Variants in RPS6KC1 observed in about 807,000 individuals in gnomAD.
The protein encoded by RPS6KC1 is ribosomal protein S6 kinase C1.
Under a neutral mutation model 103.8 loss-of-function variants are expected in RPS6KC1, and 54 were observed. The ratio of observed to expected loss-of-function variants is 0.52; its 90% confidence interval spans 0.42 to 0.65. The LOEUF is 0.65. RPS6KC1 is among the 30% of genes least tolerant of loss of function. The pLI is 0.00. For synonymous variants in RPS6KC1, 439 were observed against 438.7 expected, an observed-to-expected ratio of 1.00 and a Z score of -0.01; for missense variants, 1,151 against 1,253.8, an observed-to-expected ratio of 0.92 and a Z score of 1.24.
At chr1:213,532,764 C>G in the RPS6KC1 span, among the ~76,000 whole-genome samples, 2 of 152,190 alleles carry the variant, frequency 1.3e-5, no homozygotes. Context: ...TGTCCCATTG[C>G]CCAAGCAACT....
intron 8 of RPS6KC1, among the ~76,000 whole-genome samples, chr1:213,192,702 T>G (rs1199508845): frequency 6.6e-6 from 1 of 152,184 alleles, no homozygotes; most frequent in African/African-American, 2.4e-5. Flanking sequence ...CATTTCAAGT[T>G]TATTTCTGCT....
chr1:213,199,834 C>G (rs559281170), intron 8 of RPS6KC1, among the ~76,000 whole-genome samples: 8 of 152,282 alleles, frequency 5.3e-5, no homozygotes, highest in Admixed American at 6.5e-5. Context: ...CATTCCTATA[C>G]ACCAACAACA....
chr1:213,054,654 A>C (rs2077194814), intron 1 of RPS6KC1, among the ~76,000 whole-genome samples: 1 of 152,176 alleles, frequency 6.6e-6, no homozygotes, highest in South Asian at 2.1e-4. Context: ...ACCAATGTTA[A>C]ATTTTGGATA....
chr1:213,699,441 C>T, the RPS6KC1 span, among the ~76,000 whole-genome samples: 2 of 152,064 alleles, frequency 1.3e-5, no homozygotes, highest in African/African-American at 4.8e-5. Flanking sequence ...AGTACATTTT[C>T]TTTATCCATT....
At chr1:213,418,492 G>C in the RPS6KC1 span, among the ~76,000 whole-genome samples, 1 of 152,118 alleles carries the variant, frequency 6.6e-6, no homozygotes, top group African/African-American at 2.4e-5. Flanking sequence ...CTGACTCTGG[G>C]ATGGGCCCCT....
the RPS6KC1 span, among the ~76,000 whole-genome samples, chr1:213,502,646 T>C: frequency 6.6e-6 from 1 of 152,160 alleles, no homozygotes. Context: ...ATGGCATATG[T>C]TTACAATATA....
At chr1:213,219,421 C>G (rs996225103) in intron 8 of RPS6KC1, among the ~76,000 whole-genome samples, 3 of 152,194 alleles carry the variant, frequency 2.0e-5, no homozygotes, top group African/African-American at 7.2e-5. Context: ...GGACTATAAA[C>G]TGGTTCAACC....
chr1:213,716,062 T>C, the RPS6KC1 span, among the ~76,000 whole-genome samples: 1 of 152,242 alleles, frequency 6.6e-6, no homozygotes, highest in South Asian at 2.1e-4. Context: ...CTAGCAAGTT[T>C]GGGAAATGCT....
At chr1:213,474,096 T>G in the RPS6KC1 span, among the ~76,000 whole-genome samples, 1 of 152,274 alleles carries the variant, frequency 6.6e-6, no homozygotes, top group African/African-American at 2.4e-5. Flanking sequence ...TCCTCTCCCT[T>G]TGTTATCTCT....
the RPS6KC1 span, among the ~76,000 whole-genome samples, chr1:213,534,903 C>T: frequency 1.5e-3 from 226 of 152,328 alleles, no homozygotes; most frequent in South Asian, 7.3e-3. Flanking sequence ...CTCTTCCATG[C>T]TCTCAGCGTC....
chr1:213,393,270 C>T, the RPS6KC1 span, among the ~76,000 whole-genome samples: 1 of 152,212 alleles, frequency 6.6e-6, no homozygotes, highest in African/African-American at 2.4e-5. Flanking sequence ...GCATACTTCA[C>T]AGTCACCCAC....
the RPS6KC1 span, among the ~76,000 whole-genome samples, chr1:213,653,722 G>GT: frequency 1.3e-5 from 2 of 152,184 alleles, no homozygotes; most frequent in African/African-American, 4.8e-5. Flanking sequence ...GCTTATGGTT[G>GT]TAACGCTTGT....
chr1:213,446,776 G>A, the RPS6KC1 span, among the ~76,000 whole-genome samples: 1 of 152,170 alleles, frequency 6.6e-6, no homozygotes, highest in Non-Finnish European at 1.5e-5. Context: ...CTACTGCTAT[G>A]ATTTTAATTT....
the RPS6KC1 span, among the ~76,000 whole-genome samples, chr1:213,765,841 A>C: frequency 1.3e-5 from 2 of 152,212 alleles, no homozygotes; most frequent in African/African-American, 4.8e-5. Flanking sequence ...AAAAATTTTT[A>C]TAATATCATT....
rs7512845 is a variant in RPS6KC1 at position 213,107,974 on chromosome 1, T to A, written c.378+3405T>A. On this transcript the variant is annotated intron_variant, in intron 4 of 14. Coordinates refer to ENST00000366960, the MANE Select transcript of RPS6KC1 (RefSeq NM_012424.6). ...ACCCATTTTTTTGATTGGGTTATCA[T>A]TGAGTTGTAAGAGTTCTGAATATAT... 2.0e-3 allele frequency among the ~76,000 whole-genome samples: 302 copies of A among 152,336 alleles called. 1 individual carries two copies. The highest frequency in any genetic ancestry group is 7.0e-3 in the African/African-American group (291 of 41,576).
intron 3 of RPS6KC1, among the ~76,000 whole-genome samples, chr1:213,089,805 A>G (rs2080803037): frequency 6.6e-6 from 1 of 152,170 alleles, no homozygotes; most frequent in Admixed American, 6.5e-5. Context: ...TTACATGCCA[A>G]AAATCTATTA....
At chr1:213,305,060 C>G in the RPS6KC1 span, among the ~76,000 whole-genome samples, 3 of 152,132 alleles carry the variant, frequency 2.0e-5, no homozygotes, top group East Asian at 5.8e-4. Flanking sequence ...TTCCCAGAAC[C>G]TGTCTTTGGG....
At chr1:213,610,755 G>A in the RPS6KC1 span, among the ~76,000 whole-genome samples, 16 of 152,192 alleles carry the variant, frequency 1.1e-4, no homozygotes, top group Non-Finnish European at 7.3e-5. Context: ...GACCACACAT[G>A]TGAGCAATTC....
chr1:213,850,023 G>A, the RPS6KC1 span, among the ~76,000 whole-genome samples: 11 of 151,702 alleles, frequency 7.3e-5, no homozygotes, highest in South Asian at 4.2e-4. Flanking sequence ...TTTTCTAGGC[G>A]GACAATCAAA....
Sources: allele counts gnomAD v4.1 joint callset (sites outside exome capture counted in the v4.1 genomes callset), GRCh38; gene constraint gnomAD v4.1.1; transcripts MANE v1.5; gene names NCBI Gene and HGNC (gene_info 2026-07-23, HGNC 2026-07-21).